Variants in SECISBP2 observed in about 807,000 individuals in gnomAD.
The protein encoded by SECISBP2 is selenocysteine insertion sequence-binding protein 2.
A neutral mutation model predicts 98.2 loss-of-function variants in SECISBP2; 96 were observed. The ratio of observed to expected loss-of-function variants is 0.98; its 90% CI spans 0.83 to 1.16. The LOEUF (loss-of-function observed/expected upper bound fraction) is 1.16. Ranked by LOEUF, SECISBP2 falls within the 50% of genes most tolerant of loss-of-function variation. The pLI, the probability that SECISBP2 is intolerant of heterozygous loss-of-function variation, is 0.00. For synonymous variants in SECISBP2, 407 were observed against 370.2 expected (o/e 1.10, Z -1.14); for missense variants, 1,046 against 1,022.9 (o/e 1.02, Z -0.31).
At chr9:89,342,324 C>T (rs574311817) in intron 10 of SECISBP2, among the ~76,000 whole-genome samples, 1 of 152,140 alleles carries the variant, frequency 6.6e-6, no homozygotes, top group Non-Finnish European at 1.5e-5. Flanking sequence ...GAACCCCGTA[C>T]GCTGCCGGTG....
At position 89,325,528 on chromosome 9, in the gene SECISBP2, A is replaced by G. The variant is rs376444493; in HGVS notation, c.284A>G (p.Tyr95Cys). The change falls in exon 3 of 17, where the codon TAT becomes TGT. Residue 95 changes from tyrosine to cysteine, a missense_variant. Tyr to Cys is a radical substitution (Grantham distance 194, BLOSUM62 -2). Transcript: ENST00000375807. Reference sequence around the variant, plus strand: ...CTTCATCCATATGCCTATTCTCCTTATACCCTTGACTCCACACAGAATGTT... The same window carrying G: ...CTTCATCCATATGCCTATTCTCCTTGTACCCTTGACTCCACACAGAATGTT... ...ITLHPYAYSP[Y>C]TLDSTQNVYS... The G allele has an allele frequency of 3.1e-6, 5 of 1,613,904 alleles. No homozygotes were observed. The highest frequency in any genetic ancestry group is 4.2e-6 in the Non-Finnish European group (5 of 1,180,000).
downstream of SECISBP2, among the ~76,000 whole-genome samples, chr9:89,362,599 C>G (rs1459709702): frequency 6.6e-6 from 1 of 152,226 alleles, no homozygotes; most frequent in Non-Finnish European, 1.5e-5. Flanking sequence ...GTGGTTCTCC[C>G]ATATGTGACA....
chr9:89,319,061 G>A, intron 1 of SECISBP2: 2 of 1,007,736 alleles, frequency 2.0e-6, no homozygotes, highest in Non-Finnish European at 2.4e-6. Context: ...TAAAATTCTC[G>A]GTGAAAGTAA....
intron 14 of SECISBP2, chr9:89,354,818 C>T (rs1831819478): frequency 2.0e-6 from 2 of 985,290 alleles, no homozygotes; most frequent in African/African-American, 1.7e-5. Context: ...GGACACCAGG[C>T]AGAGACCCTC....
At chr9:89,358,637 C>G in intron 16 of SECISBP2, 84 bp from the exon 17 acceptor site, 1 of 888,458 alleles carries the variant, frequency 1.1e-6, no homozygotes, top group Non-Finnish European at 1.9e-6. Context: ...CCACAGGCTC[C>G]CTCTCTCATG....
intron 1 of SECISBP2, chr9:89,318,891 A>C (rs1390322786): frequency 2.1e-5 from 26 of 1,242,830 alleles, no homozygotes; most frequent in South Asian, 3.2e-5. Flanking sequence ...CGCTCCCCGC[A>C]GTCGGGGCGG....
intron 4 of SECISBP2, 112 bp from the exon 5 acceptor site, chr9:89,328,548 A>G (rs1473752535): frequency 5.0e-6 from 4 of 800,636 alleles, no homozygotes; most frequent in African/African-American, 3.4e-5. Context: ...TGTTTTGACA[A>G]CAACCTGTTG....
At chr9:89,356,477 A>G (rs1485622293) in intron 14 of SECISBP2, 1 of 152,250 alleles carries the variant, frequency 6.6e-6, no homozygotes, top group Non-Finnish European at 1.5e-5. Flanking sequence ...GATGGTTTAA[A>G]AGACAGGGTC....
In SECISBP2 at chr9:89,359,054, T is replaced by TA; in HGVS notation, c.*231dup. 1 of 547,388 alleles carries TA rather than the reference T, an allele frequency of 1.8e-6. No individual in the cohort carries two copies. The highest frequency in any genetic ancestry group is 1.9e-5 in the African/African-American group (1 of 52,752). 33.9% of individuals were successfully genotyped at this position (547,388 alleles called of 1,614,324 possible). A position where few individuals can be genotyped will look rare whatever the true frequency, so the allele number is the denominator to read the frequency against. ...TTAATCTTCTCTAAAAGCCTGGTGA[T>TA]ACAGCTCTGGCTTTCTGAGCACACT... On this transcript the variant is annotated 3_prime_UTR_variant, in exon 17 of 17. Transcript: ENST00000375807.
At chr9:89,363,671 T>C, downstream of SECISBP2, 2 of 1,593,946 alleles carry the variant, frequency 1.3e-6, no homozygotes, top group South Asian at 2.2e-5. Flanking sequence ...CAGCTGTTTT[T>C]TTCACTGCCA....
intron 9 of SECISBP2, among the ~76,000 whole-genome samples, chr9:89,340,449 T>G (rs1381155769): frequency 6.6e-6 from 1 of 152,206 alleles, no homozygotes; most frequent in Admixed American, 6.5e-5. Context: ...GAGTCATAAT[T>G]TAGATGGGGA....
downstream of SECISBP2, among the ~76,000 whole-genome samples, chr9:89,359,996 C>T (rs1041437476): frequency 2.6e-5 from 4 of 152,178 alleles, no homozygotes; most frequent in Non-Finnish European, 4.4e-5. Context: ...TGAGAAGCGG[C>T]CTGTGATGAG....
At chr9:89,362,215 G>C, downstream of SECISBP2, 1 of 910,942 alleles carries the variant, frequency 1.1e-6, no homozygotes, top group Non-Finnish European at 1.7e-6. Flanking sequence ...GGCCCACTTG[G>C]GTTCCAGGCT....
rs2131724323 is a variant in SECISBP2, at chr9:89,334,626, G to C, written c.985G>C (p.Ala329Pro). 1 of 1,614,008 alleles carries C rather than the reference G, an allele frequency of 6.2e-7. No individual in the cohort carries two copies. The highest frequency in any genetic ancestry group is 1.6e-4 in the Middle Eastern group (1 of 6,062). The change falls in exon 7 of 17, where the codon GCT becomes CCT. Residue 329 changes from alanine to proline, a missense_variant. Coordinates refer to ENST00000375807, the MANE Select transcript of SECISBP2 (RefSeq NM_024077.5). ...TTCTATGATAAACTTAAAGACCATT[G>C]CTTCATCAGCAGATCCTAAAAATGT... ...VTSMINLKTI[A>P]SSADPKNVSI...
the SECISBP2 span, among the ~76,000 whole-genome samples, chr9:89,366,246 G>T: frequency 6.6e-6 from 1 of 152,214 alleles, no homozygotes; most frequent in Non-Finnish European, 1.5e-5. Flanking sequence ...CCCAAAAATG[G>T]CTGGGATGCT....
chr9:89,342,255 G>A (rs1286081701), intron 10 of SECISBP2, among the ~76,000 whole-genome samples: 22 of 152,160 alleles, frequency 1.4e-4, no homozygotes, highest in Admixed American at 1.4e-3. Flanking sequence ...CCACCTAGTG[G>A]GATGATTATA....
intron 14 of SECISBP2, 60 bp from the exon 15 acceptor site, chr9:89,357,351 T>G: frequency 6.3e-7 from 1 of 1,596,630 alleles, no homozygotes; most frequent in Non-Finnish European, 8.6e-7. Context: ...TTGCAACCAG[T>G]ATTAACACCA....
intron 9 of SECISBP2, 35 bp downstream of exon 9, chr9:89,339,988 G>C: frequency 6.9e-7 from 1 of 1,440,946 alleles, no homozygotes; most frequent in Admixed American, 1.7e-5. Flanking sequence ...ATTGCTTTAG[G>C]CTTAACTCTT....
rs188957710 is a variant in SECISBP2 at position 89,333,081 on chromosome 9, A to G, written c.880+95A>G. On this transcript the variant is annotated intron_variant, in intron 6 of 16. Transcript: ENST00000375807. ...TGCAGTTGAAATGATTTTTGTTGTA[A>G]AGACTTAAGACAGCTAATGAATTGT... The G allele has an allele frequency of 1.1e-4, 115 of 1,023,418 alleles. No homozygotes were observed. In the African/African-American group the frequency reaches 1.4e-3, roughly 13 times the overall value. The allele number at this position is 1,023,418 out of a possible 1,614,324, so 63.4% of individuals were successfully genotyped here. A position where few individuals can be genotyped will look rare whatever the true frequency, so the allele number is the denominator to read the frequency against.
Sources: allele counts gnomAD v4.1 joint callset (sites outside exome capture counted in the v4.1 genomes callset), GRCh38; gene constraint gnomAD v4.1.1; transcripts MANE v1.5; gene names NCBI Gene and HGNC (gene_info 2026-07-23, HGNC 2026-07-21).